Variants in PTPRT observed in about 807,000 individuals in gnomAD.
PTPRT encodes protein tyrosine phosphatase receptor type T.
PTPRT carries 56 observed loss-of-function variants against 176.8 expected under a neutral mutation model. The ratio of observed to expected loss-of-function variants is 0.32; its 90% CI spans 0.26 to 0.40. The LOEUF (loss-of-function observed/expected upper bound fraction) is 0.40. Ranked by LOEUF, PTPRT falls within the 10% of genes least tolerant of loss-of-function variation. The pLI, the probability that PTPRT is intolerant of heterozygous loss-of-function variation, is 1.00. For synonymous variants in PTPRT, 783 were observed against 739.0 expected, an observed-to-expected ratio of 1.06 and a Z score of -0.96; for missense variants, 1,540 against 1,908.2, an observed-to-expected ratio of 0.81 and a Z score of 3.60.
chr20:42,193,013 C>T (rs1279848653), intron 16 of PTPRT, among the ~76,000 whole-genome samples: 1 of 152,190 alleles, frequency 6.6e-6, no homozygotes, highest in African/African-American at 2.4e-5. Context: ...TTTCCTGTCT[C>T]TCCTTCACTC....
chr20:42,212,301 T>TAAAAAAAAAAAAAA (rs763081026), intron 15 of PTPRT, among the ~76,000 whole-genome samples: 1 of 53,006 alleles, frequency 1.9e-5, no homozygotes, highest in Non-Finnish European at 4.4e-5. Flanking sequence ...ACTTAAAGTA[T>TAAAAAAAAAAAAAA]AAAAAAAAAA....
the PTPRT span, among the ~76,000 whole-genome samples, chr20:42,050,434 C>T: frequency 6.6e-6 from 1 of 152,132 alleles, no homozygotes; most frequent in African/African-American, 2.4e-5. Flanking sequence ...AGGGGCAGAG[C>T]CTGGCTTTGA....
At chr20:42,653,640 T>C (rs2075071747) in intron 7 of PTPRT, among the ~76,000 whole-genome samples, 1 of 152,206 alleles carries the variant, frequency 6.6e-6, no homozygotes, top group South Asian at 2.1e-4. Context: ...CATTCTACCT[T>C]TGAGAGTAAC....
chr20:42,404,042 G>A (rs1185299525), intron 9 of PTPRT, among the ~76,000 whole-genome samples: 1 of 152,098 alleles, frequency 6.6e-6, no homozygotes, highest in Non-Finnish European at 1.5e-5. Flanking sequence ...ACTCAGCTGA[G>A]CTTCTTCCAC....
intron 11 of PTPRT, among the ~76,000 whole-genome samples, chr20:42,347,382 C>T (rs1226761637): frequency 6.6e-6 from 1 of 152,196 alleles, no homozygotes; most frequent in Non-Finnish European, 1.5e-5. Context: ...GCACACTGCT[C>T]TGCTTTCCTG....
At chr20:43,153,111 G>A (rs1296459746) in intron 1 of PTPRT, among the ~76,000 whole-genome samples, 1 of 152,204 alleles carries the variant, frequency 6.6e-6, no homozygotes, top group East Asian at 1.9e-4. Context: ...ACACATGAGT[G>A]AGTGGGCAAA....
At chr20:42,709,642 T>C (rs2076114220) in intron 6 of PTPRT, among the ~76,000 whole-genome samples, 1 of 152,074 alleles carries the variant, frequency 6.6e-6, no homozygotes, top group African/African-American at 2.4e-5. Flanking sequence ...ACACAGAAAA[T>C]TGGTACCAGG....
rs75175073 is a variant in PTPRT, at chr20:42,746,020, G to A, written c.859+10442C>T. ...CAGATCATTCTTCCATTTGAACACAGGAGGGTAATGTTCCAAGTGAATGAG... is the reference window on the plus strand; with the variant it reads ...CAGATCATTCTTCCATTTGAACACAAGAGGGTAATGTTCCAAGTGAATGAG... On this transcript the variant is annotated intron_variant, in intron 6 of 30. Transcript: ENST00000373187. Among the ~76,000 whole-genome samples, 1,288 of 152,318 alleles carry A rather than the reference G, an allele frequency of 8.5e-3. 19 individuals are homozygous for A. The highest frequency in any genetic ancestry group is 0.029 in the African/African-American group (1,216 of 41,564).
intron 6 of PTPRT, among the ~76,000 whole-genome samples, chr20:42,750,326 T>C (rs2076752685): frequency 6.6e-6 from 1 of 152,120 alleles, no homozygotes; most frequent in African/African-American, 2.4e-5. Flanking sequence ...TACATATATA[T>C]TATGCTATAT....
At chr20:42,136,977 A>AT (rs1228603175) in intron 18 of PTPRT, among the ~76,000 whole-genome samples, 2 of 152,206 alleles carry the variant, frequency 1.3e-5, no homozygotes, top group South Asian at 2.1e-4. Flanking sequence ...TCAGTCATTA[A>AT]TTGAGGGCAG....
At chr20:42,567,876 T>A (rs1446578753) in intron 7 of PTPRT, among the ~76,000 whole-genome samples, 1 of 152,126 alleles carries the variant, frequency 6.6e-6, no homozygotes, top group Non-Finnish European at 1.5e-5. Flanking sequence ...TCTTAATTAG[T>A]ATTGATGAGG....
intron 1 of PTPRT, among the ~76,000 whole-genome samples, chr20:43,070,957 TA>T (rs1424928169): frequency 7.6e-6 from 1 of 132,098 alleles, no homozygotes; most frequent in Non-Finnish European, 1.6e-5. Context: ...CCCTAGAACT[TA>T]AAGTATAATT....
chr20:42,261,955 G>A (rs945991185), intron 13 of PTPRT, among the ~76,000 whole-genome samples: 3 of 152,112 alleles, frequency 2.0e-5, no homozygotes, highest in African/African-American at 4.8e-5. Context: ...GAAGGGGCAC[G>A]GGAGGAAGCA....
chr20:42,402,405 C>T (rs2058917302), intron 9 of PTPRT, among the ~76,000 whole-genome samples: 1 of 142,606 alleles, frequency 7.0e-6, no homozygotes, highest in African/African-American at 2.6e-5. Context: ...GCAACCAACA[C>T]ATTTGTGAAA....
chr20:42,340,714 T>C (rs1304682248), intron 11 of PTPRT, among the ~76,000 whole-genome samples: 1 of 152,160 alleles, frequency 6.6e-6, no homozygotes, highest in South Asian at 2.1e-4. Context: ...GACTTGAAAG[T>C]CTGACCTTTG....
At chr20:43,183,857 C>A (rs2015325453) in intron 1 of PTPRT, among the ~76,000 whole-genome samples, 1 of 152,242 alleles carries the variant, frequency 6.6e-6, no homozygotes, top group South Asian at 2.1e-4. Flanking sequence ...TAGCCTGTAT[C>A]AGCAGTTCAT....
intron 9 of PTPRT, among the ~76,000 whole-genome samples, chr20:42,426,289 A>G (rs2059163221): frequency 6.6e-6 from 1 of 152,116 alleles, no homozygotes; most frequent in Admixed American, 6.5e-5. Context: ...AAGAAGAGTA[A>G]CAGAATGGCA....
intron 18 of PTPRT, among the ~76,000 whole-genome samples, chr20:42,138,617 C>T (rs1988484758): frequency 6.6e-6 from 1 of 152,180 alleles, no homozygotes; most frequent in African/African-American, 2.4e-5. Flanking sequence ...ACCTCTAAAA[C>T]TTTACATGGA....
At chr20:42,521,264 G>A (rs888269638) in intron 7 of PTPRT, among the ~76,000 whole-genome samples, 1 of 151,936 alleles carries the variant, frequency 6.6e-6, no homozygotes, top group Non-Finnish European at 1.5e-5. Flanking sequence ...AAAAACTTAC[G>A]ATTTAAATTT....
Sources: gnomAD v4.1 joint callset for allele counts (sites outside exome capture counted in the v4.1 genomes callset) on GRCh38, gnomAD v4.1.1 for gene constraint, MANE v1.5 for transcripts, NCBI Gene and HGNC (gene_info 2026-07-23, HGNC 2026-07-21) for gene names.